Variants in ASIC2 observed in about 807,000 individuals in gnomAD.
ASIC2 encodes the protein acid-sensing ion channel 2.
A neutral mutation model predicts 57.3 loss-of-function variants in ASIC2; 25 were observed. That is an observed-to-expected ratio of 0.44 (90% CI 0.32 to 0.61). The LOEUF (loss-of-function observed/expected upper bound fraction) is 0.61. Among genes scored for constraint, ASIC2 ranks in the 20% least tolerant of loss-of-function variants. ASIC2 has a pLI of 0.06. For synonymous variants in ASIC2, 319 were observed against 307.5 expected (o/e 1.04, Z -0.39); for missense variants, 641 against 738.1 (o/e 0.87, Z 1.52).
At chr17:33,810,692 G>A (rs1320924731) in intron 1 of ASIC2, among the ~76,000 whole-genome samples, 1 of 152,170 alleles carries the variant, frequency 6.6e-6, no homozygotes, top group Non-Finnish European at 1.5e-5. Context: ...AGTTAGTGGT[G>A]AGTCCTGGGA....
Position 33,163,411 on chromosome 17 carries a change from T to C in ASIC2, c.709-51344A>G, listed in dbSNP as rs192383507. Reference sequence around the variant, plus strand: ...CATCTGCACCAGCCCCTGCCTGCACTCTGAGACCCTTCTATGCTACCTCTG... The same window carrying C: ...CATCTGCACCAGCCCCTGCCTGCACCCTGAGACCCTTCTATGCTACCTCTG... On this transcript the variant is annotated intron_variant, in intron 1 of 9. Coordinates refer to ENST00000225823, the MANE Select transcript of ASIC2 (RefSeq NM_183377.2). Among the ~76,000 whole-genome samples, 4 of 152,006 alleles carry C rather than the reference T, an allele frequency of 2.6e-5. No homozygotes were observed. In the East Asian group the frequency reaches 7.8e-4, roughly 30 times the overall value.
At chr17:33,897,637 C>T (rs951378229) in intron 1 of ASIC2, among the ~76,000 whole-genome samples, 13 of 152,194 alleles carry the variant, frequency 8.5e-5, no homozygotes, top group African/African-American at 2.9e-4. Context: ...TACCCATGTG[C>T]TTCATTTCAA....
At chr17:33,582,422 C>T (rs1904474168) in intron 1 of ASIC2, among the ~76,000 whole-genome samples, 1 of 152,164 alleles carries the variant, frequency 6.6e-6, no homozygotes, top group Non-Finnish European at 1.5e-5. Context: ...AACCGAGAGG[C>T]AAGGGTGCTG....
chr17:33,505,175 TAGGC>T, intron 1 of ASIC2, among the ~76,000 whole-genome samples: 1 of 152,176 alleles, frequency 6.6e-6, no homozygotes, highest in African/African-American at 2.4e-5. Context: ...GCAGTAGTCC[TAGGC>T]AGGTGTAACA....
At chr17:33,085,506 C>T (rs1043452753) in intron 3 of ASIC2, among the ~76,000 whole-genome samples, 7 of 152,242 alleles carry the variant, frequency 4.6e-5, no homozygotes, top group Non-Finnish European at 8.8e-5. Context: ...GCTAAATCCT[C>T]AAAATATACT....
At chr17:33,852,070 T>A (rs1260013562) in intron 1 of ASIC2, among the ~76,000 whole-genome samples, 1 of 152,224 alleles carries the variant, frequency 6.6e-6, no homozygotes, top group African/African-American at 2.4e-5. Flanking sequence ...GACTGAATAA[T>A]CTTAGCTTGT....
intron 1 of ASIC2, among the ~76,000 whole-genome samples, chr17:33,185,216 T>C (rs1015600394): frequency 2.0e-5 from 3 of 152,236 alleles, no homozygotes; most frequent in South Asian, 4.1e-4. Context: ...TATGTTGTTT[T>C]TCAGTTTTTG....
At chr17:33,889,689 G>T (rs761780121) in intron 1 of ASIC2, among the ~76,000 whole-genome samples, 10 of 152,130 alleles carry the variant, frequency 6.6e-5, no homozygotes, top group Non-Finnish European at 1.5e-4. Flanking sequence ...ATCTTCGTTA[G>T]CGTCCATTGT....
chr17:33,252,817 G>T (rs1908931621), intron 1 of ASIC2, among the ~76,000 whole-genome samples: 1 of 151,916 alleles, frequency 6.6e-6, no homozygotes, highest in Non-Finnish European at 1.5e-5. Context: ...CTTTTCATTG[G>T]GCTATGGCCA....
At position 33,088,899 on chromosome 17, in the gene ASIC2, T is replaced by C; in HGVS notation, c.951A>G (p.Pro317=). ...GTGTGGCCACAAAGGTCTGGAACCC[T>C]GGAGCCACCCCAAAGCCCAGCTCTT... ...FIQELGFGVA[P]GFQTFVATQE... The change falls in exon 3 of 10, where the codon CCA becomes CCG. Residue 317 remains proline (P), a synonymous_variant. Transcript: ENST00000225823. 6.2e-7 allele frequency: 1 copy of C among 1,614,044 alleles called. No homozygotes were observed. The highest frequency in any genetic ancestry group is 1.1e-5 in the South Asian group (1 of 91,062).
chr17:33,721,763 T>A (rs1299101448), intron 1 of ASIC2, among the ~76,000 whole-genome samples: 1 of 152,052 alleles, frequency 6.6e-6, no homozygotes, highest in Non-Finnish European at 1.5e-5. Context: ...CTGGATGAAG[T>A]AAGAGGGTAA....
Position 34,030,131 on chromosome 17 carries a change from T to C in ASIC2, c.555+125847A>G, listed in dbSNP as rs139989931. 9.1e-3 allele frequency among the ~76,000 whole-genome samples: 1,382 copies of C among 152,270 alleles called. 19 individuals carry two copies. Among genetic ancestry groups the C allele is most frequent in the African/African-American group, 0.031 (1,288 of 41,530 alleles). ...ATACAGCATTTTTCAAACACATCCT[T>C]CAAGGAGTGAAAGTTATGAGGGTTT... is the stretch of plus-strand genomic sequence containing the variant. On this transcript the variant is annotated intron_variant, in intron 1 of 9. Transcript: ENST00000359872.
chr17:33,724,080 G>A (rs1043968178), intron 1 of ASIC2, among the ~76,000 whole-genome samples: 5 of 152,062 alleles, frequency 3.3e-5, no homozygotes, highest in Admixed American at 1.3e-4. Flanking sequence ...TTCCCGTGCT[G>A]TTCTCATGAT....
At chr17:33,629,055 G>A (rs1906078369) in intron 1 of ASIC2, among the ~76,000 whole-genome samples, 2 of 152,148 alleles carry the variant, frequency 1.3e-5, no homozygotes, top group Admixed American at 1.3e-4. Context: ...CCTTCATCCA[G>A]ACCCTCTGGA....
At chr17:34,086,619 G>C (rs1742976907) in intron 1 of ASIC2, among the ~76,000 whole-genome samples, 1 of 152,156 alleles carries the variant, frequency 6.6e-6, no homozygotes, top group Admixed American at 6.5e-5. Context: ...TCACTGATCT[G>C]TCTAATGTTG....
chr17:33,242,426 G>A (rs571208313), intron 1 of ASIC2, among the ~76,000 whole-genome samples: 1 of 152,124 alleles, frequency 6.6e-6, no homozygotes, highest in South Asian at 2.1e-4. Flanking sequence ...CCAGCACTAT[G>A]ACCAGTTCTT....
intron 1 of ASIC2, among the ~76,000 whole-genome samples, chr17:33,483,088 A>G (rs1165368637): frequency 6.6e-6 from 1 of 152,154 alleles, no homozygotes; most frequent in African/African-American, 2.4e-5. Flanking sequence ...GACCTTTCAG[A>G]GAAGAAAAGC....
At chr17:33,283,159 G>T (rs1473693969) in intron 1 of ASIC2, among the ~76,000 whole-genome samples, 1 of 152,158 alleles carries the variant, frequency 6.6e-6, no homozygotes, top group Non-Finnish European at 1.5e-5. Flanking sequence ...GTTCACTGGG[G>T]AGCCCAGCAT....
At chr17:33,662,347 A>G (rs140836235) in intron 1 of ASIC2, among the ~76,000 whole-genome samples, 1,784 of 152,206 alleles carry the variant, frequency 0.012, 35 homozygotes, top group African/African-American at 0.04. Flanking sequence ...CAAGCCAGGC[A>G]TGGTGGCTCA....
Sources: allele counts gnomAD v4.1 joint callset (sites outside exome capture counted in the v4.1 genomes callset), GRCh38; gene constraint gnomAD v4.1.1; transcripts MANE v1.5; gene names NCBI Gene and HGNC (gene_info 2026-07-23, HGNC 2026-07-21).